Variants in SPACA3 observed in about 807,000 individuals in gnomAD.
The protein encoded by SPACA3 is sperm acrosome associated 3, also known as sperm acrosome membrane-associated protein 3.
In SPACA3, 21 loss-of-function variants were observed where a neutral mutation model predicts 24.5. That is an observed-to-expected ratio of 0.86 (90% CI 0.61 to 1.24). SPACA3 has a LOEUF of 1.24. SPACA3 is among the 50% of genes most tolerant of loss of function. The pLI is 0.00. For synonymous variants in SPACA3, 115 were observed against 106.9 expected (o/e 1.08, Z -0.47); for missense variants, 278 against 275.5 (o/e 1.01, Z -0.06).
At chr17:32,993,680 G>GA (rs2091704998) in intron 1 of SPACA3, among the ~76,000 whole-genome samples, 1 of 121,934 alleles carries the variant, frequency 8.2e-6, no homozygotes, top group African/African-American at 2.7e-5. Flanking sequence ...AAACAAGCGG[G>GA]AGGGAGAAAG....
intron 4 of SPACA3, 51 bp downstream of exon 4, chr17:32,997,574 G>A (rs1168017729): frequency 4.4e-6 from 7 of 1,573,782 alleles, no homozygotes; most frequent in Admixed American, 3.3e-5. Flanking sequence ...TAGGACTGGT[G>A]GGCAGCAGCA....
rs1252558506 is a variant in SPACA3, at chr17:32,995,559, G to T, written c.185G>T (p.Arg62Met). The change falls in exon 2 of 5, where the codon AGG becomes ATG. Residue 62 changes from arginine to methionine, a missense_variant. Physicochemically the swap from Arg to Met is moderately conservative, Grantham distance 91. Transcript: ENST00000269053. Reference sequence around the variant, plus strand: ...GAAGCCAGGAGCAGGGCTCTCAGAAGGCGGTGGTGCCCAGCTGGGATCATG... The same window carrying T: ...GAAGCCAGGAGCAGGGCTCTCAGAATGCGGTGGTGCCCAGCTGGGATCATG... ...GIEARSRALR[R>M]RWCPAGIMLL... 6.2e-7 allele frequency: 1 copy of T among 1,614,252 alleles called. No individual in the cohort carries two copies. The highest frequency in any genetic ancestry group is 8.5e-7 in the Non-Finnish European group (1 of 1,180,044).
rs2091725718 is a variant in SPACA3 at position 32,996,901 on chromosome 17, T to C, written c.402T>C (p.Ala134=). Residue 134 remains alanine, a synonymous_variant, in exon 3 of 5, where the codon GCT becomes GCC. Coordinates refer to ENST00000269053, the MANE Select transcript of SPACA3 (RefSeq NM_173847.5). The part of the protein sequence containing the change: ...GFNAAALDYE[A]DGSTNNGIFQ... ...ACGCAGCTGCTTTGGACTACGAGGC[T>C]GATGGGAGCACCAACAACGGGATCT... 5 of 1,610,934 alleles carry C rather than the reference T, an allele frequency of 3.1e-6. No individual in the cohort carries two copies. Among genetic ancestry groups the C allele is most frequent in the Non-Finnish European group, 4.2e-6 (5 of 1,178,688 alleles).
At chr17:32,995,291 GA>G in intron 1 of SPACA3, 117 bp from the exon 2 acceptor site, 1 of 926,962 alleles carries the variant, frequency 1.1e-6, no homozygotes, top group Admixed American at 2.6e-5. Flanking sequence ...GCAGGATGGG[GA>G]AGGAGAGGGG....
chr17:32,997,503 G>T lies in SPACA3; in HGVS notation c.561G>T (p.Glu187Asp). ...TVICAMKITQ[E>D]PQGLGYWEAW... is the part of the protein sequence containing the mutation. ...TCTGTGCCATGAAGATAACCCAAGAGCCTCAGGGTCTGGGTTACTGGTAAG... is the reference window on the plus strand; with the variant it reads ...TCTGTGCCATGAAGATAACCCAAGATCCTCAGGGTCTGGGTTACTGGTAAG... The change falls in exon 4 of 5, where the codon GAG (glutamate) becomes GAT (aspartate). Residue 187 changes from glutamate (E) to aspartate (D), a missense_variant. Physicochemically the swap from Glu to Asp is conservative, Grantham distance 45 (BLOSUM62 2). Coordinates refer to ENST00000269053, the MANE Select transcript of SPACA3 (RefSeq NM_173847.5). 1.2e-6 allele frequency: 2 copies of T among 1,614,058 alleles called. No individual in the cohort carries two copies. Among genetic ancestry groups the T allele is most frequent in the South Asian group, 2.2e-5 (2 of 91,070 alleles).
rs201893256 is a variant in SPACA3, at chr17:32,994,372, A to AATCAG, written c.35-1035_35-1031dup. 1.5e-3 allele frequency among the ~76,000 whole-genome samples: 236 copies of AATCAG among 152,258 alleles called. 2 individuals carry two copies. In the East Asian group the frequency reaches 0.038, roughly 24 times the overall value. On this transcript the variant is annotated intron_variant, in intron 1 of 4. Transcript: ENST00000269053. ...GAAACAAGCCTCAGGGAGGGCCCAA[A>AATCAG]ATCAGAGATGGAGCAAGGAGCAGAG...
At chr17:32,993,686 G>A (rs547246042) in intron 1 of SPACA3, among the ~76,000 whole-genome samples, 51 of 150,498 alleles carry the variant, frequency 3.4e-4, no homozygotes, top group African/African-American at 7.3e-4. Context: ...GCGGGAGGGA[G>A]AAAGTGGCGA....
Position 32,995,623 on chromosome 17 carries a change from C to G in SPACA3, c.249C>G (p.Pro83=). The change falls in exon 2 of 5, where the codon CCC becomes CCG. Residue 83 remains proline, a synonymous_variant. Coordinates refer to ENST00000269053, the MANE Select transcript of SPACA3 (RefSeq NM_173847.5). The part of the protein sequence containing the change: ...ALVCLLSCLL[P]SSEAKLYGRC... ...TCTGTCTGCTCAGCTGCCTGCTACC[C>G]TCCAGTGAGGCCAAGCTCTACGGTC... The G allele has an allele frequency of 6.2e-7, 1 of 1,614,234 alleles. No individual in the cohort carries two copies. Among genetic ancestry groups the G allele is most frequent in the East Asian group, 2.2e-5 (1 of 44,886 alleles).
At chr17:32,994,708 C>T (rs1038343237) in intron 1 of SPACA3, among the ~76,000 whole-genome samples, 1 of 152,034 alleles carries the variant, frequency 6.6e-6, no homozygotes, top group Non-Finnish European at 1.5e-5. Flanking sequence ...GGCTGAGACA[C>T]AGAGGAACTG....
chr17:32,992,326 G>A (rs966665643), intron 1 of SPACA3, among the ~76,000 whole-genome samples: 4 of 152,140 alleles, frequency 2.6e-5, no homozygotes, highest in African/African-American at 9.7e-5. Context: ...GAAAAGCTCT[G>A]GGAAAGGCCT....
intron 1 of SPACA3, among the ~76,000 whole-genome samples, 170 bp downstream of exon 1, chr17:32,992,142 T>C (rs2346391): frequency 0.38 from 54,631 of 144,422 alleles, 11,342 homozygotes; most frequent in East Asian, 0.57. Context: ...TCTGGAGCTG[T>C]TGTGAAATGC....
At chr17:32,995,370 G>A in intron 1 of SPACA3, 39 bp from the exon 2 acceptor site, 1 of 1,549,734 alleles carries the variant, frequency 6.5e-7, no homozygotes, top group Non-Finnish European at 8.7e-7. Context: ...CTGGAGCCTG[G>A]CCTTCTGCCC....
chr17:32,992,637 G>T (rs2091696514), intron 1 of SPACA3, among the ~76,000 whole-genome samples: 1 of 152,332 alleles, frequency 6.6e-6, no homozygotes, highest in Non-Finnish European at 1.5e-5. Flanking sequence ...AGTGTGGGGG[G>T]TGGTGGCATG....
At chr17:32,997,377 T>TCACACACA in intron 3 of SPACA3, 68 bp from the exon 4 acceptor site, 1 of 936,974 alleles carries the variant, frequency 1.1e-6, no homozygotes, top group Non-Finnish European at 1.6e-6. Context: ...AGATACACAC[T>TCACACACA]CACACACACA....
intron 4 of SPACA3, 87 bp downstream of exon 4, chr17:32,997,610 C>G: frequency 6.5e-7 from 1 of 1,546,924 alleles, no homozygotes; most frequent in Admixed American, 1.7e-5. Context: ...TCCTTCCTCA[C>G]TTCTGGTTTA....
Position 32,991,915 on chromosome 17 carries a change from A to ACTGCTG in SPACA3, c.-16_-11dup. 1.2e-6 allele frequency: 2 copies of ACTGCTG among 1,612,888 alleles called. No individual in the cohort carries two copies. Among genetic ancestry groups the ACTGCTG allele is most frequent in the South Asian group, 1.1e-5 (1 of 91,052 alleles). On this transcript the variant is annotated 5_prime_UTR_variant, in exon 1 of 5. Coordinates refer to ENST00000269053, the MANE Select transcript of SPACA3 (RefSeq NM_173847.5). ...TTGAGCTGAAGCAGGGTTTTGAGCC[A>ACTGCTG]CTGCTGCTGCTGCCATTGTCACCAT...
intron 1 of SPACA3, among the ~76,000 whole-genome samples, chr17:32,992,353 A>C (rs2091694840): frequency 1.3e-5 from 2 of 152,116 alleles, no homozygotes; most frequent in African/African-American, 2.4e-5. Context: ...GTGTTCAAAG[A>C]CTTGACAAAC....
At chr17:32,993,636 G>C (rs755046279) in intron 1 of SPACA3, among the ~76,000 whole-genome samples, 1 of 151,966 alleles carries the variant, frequency 6.6e-6, no homozygotes, top group Non-Finnish European at 1.5e-5. Flanking sequence ...TTCAGCGCGC[G>C]GTGATGGCAG....
chr17:32,994,299 A>G (rs1442155959), intron 1 of SPACA3, among the ~76,000 whole-genome samples: 2 of 152,154 alleles, frequency 1.3e-5, no homozygotes, highest in East Asian at 1.9e-4. Flanking sequence ...TATTCTTCCA[A>G]CAATCATATG....
Sources: allele counts gnomAD v4.1 joint callset (sites outside exome capture counted in the v4.1 genomes callset), GRCh38; gene constraint gnomAD v4.1.1; transcripts MANE v1.5; gene names NCBI Gene and HGNC (gene_info 2026-07-23, HGNC 2026-07-21).